The following UPF2 variants were observed in gnomAD, a reference collection of about 807,000 sequenced individuals.
UPF2 encodes the protein UPF2 regulator of nonsense mediated mRNA decay, also known as regulator of nonsense transcripts 2.
A neutral mutation model predicts 141.4 loss-of-function variants in UPF2; 17 were observed. The observed-to-expected ratio is 0.12, with a 90% confidence interval of 0.08 to 0.18. The LOEUF (loss-of-function observed/expected upper bound fraction) is 0.18. UPF2 is among the 10% of genes least tolerant of loss of function. UPF2 has a pLI of 1.00. For synonymous variants in UPF2, 540 were observed against 498.0 expected (o/e 1.08, Z -1.12); for missense variants, 1,152 against 1,515.9 (o/e 0.76, Z 3.99).
intron 8 of UPF2, among the ~76,000 whole-genome samples, chr10:11,988,210 G>A (rs888628328): frequency 2.0e-5 from 3 of 152,192 alleles, no homozygotes; most frequent in African/African-American, 7.2e-5. Context: ...ATGAGGGACT[G>A]GTTCCAGGAA....
At position 11,948,406 on chromosome 10, in the gene UPF2, G is replaced by A; in HGVS notation, c.3137C>T (p.Ser1046Phe). 1 of 1,607,460 alleles carries A rather than the reference G, an allele frequency of 6.2e-7. No individual in the cohort carries two copies. Among genetic ancestry groups the A allele is most frequent in the Non-Finnish European group, 8.5e-7 (1 of 1,176,442 alleles). ...EEGGAETEEQ[S>F]GNESEVNEPE... ...CTCATTTACTTCACTTTCATTTCCA[G>A]ATTGTTCTTCTGTTTCAGCCCCACC... is the stretch of plus-strand genomic sequence containing the variant. Residue 1046 changes from serine to phenylalanine, a missense_variant, in exon 16 of 22, where the codon TCT (serine) becomes TTT (phenylalanine). Coordinates refer to ENST00000357604, the MANE Select transcript of UPF2 (RefSeq NM_015542.4).
At chr10:12,023,047 A>C (rs775711408) in intron 3 of UPF2, among the ~76,000 whole-genome samples, 2 of 152,202 alleles carry the variant, frequency 1.3e-5, no homozygotes, top group African/African-American at 2.4e-5. Flanking sequence ...ATATTTTGAG[A>C]TTACTCAAAC....
intron 11 of UPF2, among the ~76,000 whole-genome samples, chr10:11,962,183 C>A (rs904366910): frequency 6.6e-6 from 1 of 152,202 alleles, no homozygotes; most frequent in African/African-American, 2.4e-5. Context: ...TTTTCCCCCA[C>A]ACACGCACAC....
At chr10:11,994,448 C>A (rs1444796106) in intron 8 of UPF2, among the ~76,000 whole-genome samples, 1 of 152,116 alleles carries the variant, frequency 6.6e-6, no homozygotes, top group Non-Finnish European at 1.5e-5. Context: ...AATACACAAG[C>A]ATCAAGATAC....
chr10:11,952,243 C>T lies in UPF2; in HGVS notation c.2857G>A (p.Val953Ile), dbSNP rs755295504. The change falls in exon 15 of 22, where the codon GTT (valine) becomes ATT (isoleucine). Residue 953 changes from valine (V) to isoleucine (I), a missense_variant. Val to Ile is a conservative substitution (Grantham distance 29). Transcript: ENST00000357604. ...ACCTCCAAACTTTTCTTCCACCAAA[C>T]ATAACGCTGATAACAAATGAAAAAT... ...DCFLVYFQRY[V>I]WWKKSLEVWT... The T allele has an allele frequency of 6.3e-7, 1 of 1,590,808 alleles. No individual in the cohort carries two copies. The highest frequency in any genetic ancestry group is 1.2e-5 in the South Asian group (1 of 85,482).
chr10:12,041,189 A>G, intron 1 of UPF2, among the ~76,000 whole-genome samples: 1 of 152,260 alleles, frequency 6.6e-6, no homozygotes. Flanking sequence ...TCAAGCTTTA[A>G]CAGCCAAACT....
intron 15 of UPF2, 155 bp downstream of exon 15, chr10:11,951,911 C>A: frequency 1.5e-6 from 1 of 682,778 alleles, no homozygotes; most frequent in Non-Finnish European, 2.4e-6. Flanking sequence ...AAATCAAGCA[C>A]ACCACACAGG....
Position 11,931,845 on chromosome 10 carries a change from A to T in UPF2, c.3547-63T>A. On this transcript the variant is annotated intron_variant, in intron 19 of 21. Transcript: ENST00000357604. The surrounding 1 kb of genome is among the most constrained non-coding windows in gnomAD (Gnocchi z 5.9). ...GAACACTGAGAGAAAGAAAAAACAGACTTCAAATAAAATAGCAAGTACAGG... is the reference window on the plus strand; with the variant it reads ...GAACACTGAGAGAAAGAAAAAACAGTCTTCAAATAAAATAGCAAGTACAGG... The T allele has an allele frequency of 6.5e-7, 1 of 1,537,530 alleles. No homozygotes were observed. Among genetic ancestry groups the T allele is most frequent in the Non-Finnish European group, 8.7e-7 (1 of 1,144,180 alleles).
intron 11 of UPF2, among the ~76,000 whole-genome samples, chr10:11,961,354 T>G (rs61166139): frequency 6.6e-6 from 1 of 151,858 alleles, no homozygotes; most frequent in Non-Finnish European, 1.5e-5. Flanking sequence ...GGAAGGTTTT[T>G]CTGAGAAAGT....
chr10:11,922,405 A>G (rs1206964860), intron 21 of UPF2, among the ~76,000 whole-genome samples: 1 of 152,160 alleles, frequency 6.6e-6, no homozygotes, highest in African/African-American at 2.4e-5. Context: ...TAAGATCCGT[A>G]ACTCTTCCAG....
At position 11,959,421 on chromosome 10, in the gene UPF2, A is replaced by G; in HGVS notation, c.2185-65T>C. ...CTAAGATTCCTTTACTCCTAACTAA[A>G]CTTCTATTCTCAGTGATTTGCTATT... is the stretch of plus-strand genomic sequence containing the variant. On this transcript the variant is annotated intron_variant, in intron 11 of 21. Transcript: ENST00000357604. The surrounding 1 kb of genome is among the most constrained non-coding windows in gnomAD (Gnocchi z 5.9). 6.8e-7 allele frequency: 1 copy of G among 1,462,098 alleles called. No individual in the cohort carries two copies. Among genetic ancestry groups the G allele is most frequent in the African/African-American group, 1.4e-5 (1 of 70,390 alleles). 90.6% of individuals were successfully genotyped at this position (1,462,098 alleles called of 1,614,324 possible).
chr10:11,931,337 G>T lies in UPF2; in HGVS notation c.3688+304C>A, dbSNP rs150754544. The stretch of plus-strand genomic sequence containing the variant: ...AGAATGCATCCCTGTCATTAAGCAA[G>T]GCATACTGTTTGTTAAATGAATCTG... On this transcript the variant is annotated intron_variant, in intron 20 of 21. Coordinates refer to ENST00000357604, the MANE Select transcript of UPF2 (RefSeq NM_015542.4). The surrounding 1 kb of genome is among the most constrained non-coding windows in gnomAD (Gnocchi z 5.9). 1.6e-3 allele frequency among the ~76,000 whole-genome samples: 242 copies of T among 152,276 alleles called. 1 individual carries two copies. The highest frequency in any genetic ancestry group is 5.4e-3 in the African/African-American group (224 of 41,542).
chr10:11,973,531 G>A (rs1588545906), intron 9 of UPF2, among the ~76,000 whole-genome samples: 1 of 152,188 alleles, frequency 6.6e-6, no homozygotes, highest in Non-Finnish European at 1.5e-5. Flanking sequence ...TAATATTTAA[G>A]TCTTTAATCC....
intron 3 of UPF2, among the ~76,000 whole-genome samples, chr10:12,020,242 T>C (rs1834293577): frequency 6.6e-6 from 1 of 151,790 alleles, no homozygotes; most frequent in African/African-American, 2.4e-5. Flanking sequence ...TCCTAAAAAA[T>C]AAATTTTATT....
chr10:11,944,463 C>A (rs528280956), intron 16 of UPF2, among the ~76,000 whole-genome samples: 1 of 152,126 alleles, frequency 6.6e-6, no homozygotes, highest in East Asian at 1.9e-4. Flanking sequence ...CACTGCACTC[C>A]GGCCTGGGTG....
chr10:12,033,395 T>C (rs1246579790), intron 2 of UPF2, among the ~76,000 whole-genome samples: 2 of 152,046 alleles, frequency 1.3e-5, no homozygotes, highest in African/African-American at 2.4e-5. Flanking sequence ...TACCCAGGTG[T>C]GGTGGCACGC....
Position 11,955,311 on chromosome 10 carries a change from G to C in UPF2, c.2771C>G (p.Thr924Ser), listed in dbSNP as rs1229579864. The C allele has an allele frequency of 6.2e-7, 1 of 1,614,122 alleles. No individual in the cohort carries two copies. The highest frequency in any genetic ancestry group is 2.2e-5 in the East Asian group (1 of 44,880). ...EHLFRIRLVC[T>S]ILDTCGQYFD... is the part of the protein sequence containing the mutation. Reference sequence around the variant, plus strand: ...GTACTGGCCACATGTGTCCAGAATAGTGCATACGAGTCTAATTCTGAAAAG... The same window carrying C: ...GTACTGGCCACATGTGTCCAGAATACTGCATACGAGTCTAATTCTGAAAAG... The change falls in exon 14 of 22, where the codon ACT becomes AGT. Residue 924 changes from threonine to serine, a missense_variant. Around this residue, in one of 4 missense-constraint regions of UPF2, gnomAD observed 739 missense variants for 1,032.2 expected, o/e 0.72. Transcript: ENST00000357604.
At chr10:12,006,183 ATTTTC>A (rs1834032437) in intron 4 of UPF2, among the ~76,000 whole-genome samples, 4 of 152,174 alleles carry the variant, frequency 2.6e-5, no homozygotes, top group African/African-American at 9.7e-5. Context: ...CTCAGCCTTT[ATTTTC>A]TTTTATGCCA....
chr10:11,975,513 G>A (rs1833491863), intron 9 of UPF2, among the ~76,000 whole-genome samples: 2 of 152,102 alleles, frequency 1.3e-5, no homozygotes, highest in African/African-American at 4.8e-5. Context: ...AAACTTTGTT[G>A]TTGTTGTTTT....
Sources: gnomAD v4.1 joint callset for allele counts (sites outside exome capture counted in the v4.1 genomes callset) on GRCh38, gnomAD v4.1.1 for gene constraint, gnomAD v4.1.1 regional missense constraint, Gnocchi (gnomAD v3.1) non-coding constraint, MANE v1.5 for transcripts, NCBI Gene and HGNC (gene_info 2026-07-23, HGNC 2026-07-21) for gene names.